CHD9: variants seen among roughly 807,000 people sequenced by gnomAD.
The protein encoded by CHD9 is ATP-dependent chromatin remodeler CHD9.
A neutral mutation model predicts 316.1 loss-of-function variants in CHD9; 77 were observed. The ratio of observed to expected loss-of-function variants is 0.24; its 90% CI spans 0.20 to 0.29. CHD9 has a LOEUF of 0.29. Ranked by LOEUF, CHD9 falls within the 10% of genes least tolerant of loss-of-function variation. The probability of loss-of-function intolerance (pLI) is 1.00; values close to 1 mark genes in which losing one functional copy is unlikely to be tolerated. For synonymous variants in CHD9, 1,129 were observed against 1,158.3 expected (o/e 0.97, Z 0.51); for missense variants, 2,763 against 3,438.1 (o/e 0.80, Z 4.91).
intron 1 of CHD9, among the ~76,000 whole-genome samples, chr16:53,137,246 A>G (rs2039789221): frequency 1.3e-5 from 2 of 152,204 alleles, no homozygotes; most frequent in South Asian, 4.1e-4. Flanking sequence ...TGTTGGGATT[A>G]CAGGTGTGAG....
chr16:53,096,055 G>T (rs113819381), intron 1 of CHD9, among the ~76,000 whole-genome samples: 2,025 of 149,152 alleles, frequency 0.014, 47 homozygotes, highest in African/African-American at 0.047. Flanking sequence ...GGACTGTGAA[G>T]ATTTTTTTTT....
Position 53,308,038 on chromosome 16 carries a change from TCTTC to T in CHD9, c.7053+94_7053+97del, listed in dbSNP as rs151271511. ...CCTGCAAATGGCTGCCTGCTCTTAC[TCTTC>T]CTTCCTTCACATACCTGTTTCTTGG... On this transcript the variant is annotated intron_variant, in intron 33 of 38. Coordinates refer to ENST00000447540, the MANE Select transcript of CHD9 (RefSeq NM_001308319.2). The T allele has an allele frequency of 3.7e-4, 442 of 1,187,374 alleles. 2 individuals are homozygous for T. In the African/African-American group the frequency reaches 6.3e-3, roughly 17 times the overall value. 73.6% of individuals were successfully genotyped at this position (1,187,374 alleles called of 1,614,324 possible). A position where few individuals can be genotyped will look rare whatever the true frequency, so the allele number is the denominator to read the frequency against.
chr16:53,248,720 C>T (rs1241118550), intron 16 of CHD9, among the ~76,000 whole-genome samples: 2 of 151,720 alleles, frequency 1.3e-5, no homozygotes, highest in African/African-American at 4.8e-5. Context: ...CAGGGTCTCA[C>T]TGTGTTGCCC....
chr16:53,116,377 T>C (rs1389822975), intron 1 of CHD9, among the ~76,000 whole-genome samples: 2 of 152,202 alleles, frequency 1.3e-5, no homozygotes, highest in South Asian at 2.1e-4. Context: ...TCTTATAGTT[T>C]GTACAAATCA....
At chr16:53,117,636 G>A (rs2038418236) in intron 1 of CHD9, among the ~76,000 whole-genome samples, 1 of 151,616 alleles carries the variant, frequency 6.6e-6, no homozygotes, top group Admixed American at 6.6e-5. Context: ...GGCTGGTCTC[G>A]AACTCCCGAC....
chr16:53,253,064 A>G (rs1597656975), intron 17 of CHD9, among the ~76,000 whole-genome samples: 1 of 152,176 alleles, frequency 6.6e-6, no homozygotes, highest in Non-Finnish European at 1.5e-5. Flanking sequence ...ACTAAAAGGA[A>G]AATAAGTCAT....
chr16:53,144,543 T>C, intron 1 of CHD9, among the ~76,000 whole-genome samples: 1 of 151,852 alleles, frequency 6.6e-6, no homozygotes. Flanking sequence ...TTTTTTTTTT[T>C]TTTGAGATGG....
intron 2 of CHD9, among the ~76,000 whole-genome samples, chr16:53,167,160 G>A (rs1036965519): frequency 3.9e-5 from 6 of 152,110 alleles, no homozygotes; most frequent in South Asian, 2.1e-4. Flanking sequence ...TGATTATTGA[G>A]AAATACTTTT....
chr16:53,115,123 T>G (rs2038191919), intron 1 of CHD9, among the ~76,000 whole-genome samples: 1 of 152,226 alleles, frequency 6.6e-6, no homozygotes, highest in South Asian at 2.1e-4. Context: ...AGGTTGATTT[T>G]TCATCTGGTT....
At chr16:53,243,595 G>A (rs1237515326) in intron 13 of CHD9, among the ~76,000 whole-genome samples, 3 of 152,210 alleles carry the variant, frequency 2.0e-5, no homozygotes, top group Admixed American at 6.5e-5. Context: ...TTACAGGCGT[G>A]AGCCTGTAAT....
At chr16:53,104,674 T>C (rs1239588724) in intron 1 of CHD9, among the ~76,000 whole-genome samples, 2 of 151,870 alleles carry the variant, frequency 1.3e-5, no homozygotes, top group African/African-American at 4.8e-5. Flanking sequence ...TAGCTGGGCA[T>C]GGTGGCAGGT....
intron 3 of CHD9, among the ~76,000 whole-genome samples, chr16:53,216,015 G>T (rs2046733656): frequency 6.6e-6 from 1 of 151,956 alleles, no homozygotes; most frequent in Admixed American, 6.6e-5. Context: ...GCTACATTTT[G>T]CTAACATTGA....
At chr16:53,265,372 C>T (rs888248394) in intron 20 of CHD9, among the ~76,000 whole-genome samples, 2 of 151,990 alleles carry the variant, frequency 1.3e-5, no homozygotes, top group Non-Finnish European at 2.9e-5. Flanking sequence ...CATTGCACTC[C>T]AGCCTGAGTG....
intron 1 of CHD9, among the ~76,000 whole-genome samples, chr16:53,123,314 C>T (rs1364095019): frequency 1.3e-5 from 2 of 151,654 alleles, no homozygotes. Context: ...CCAGAAGAAA[C>T]CCTGTACATA....
intron 11 of CHD9, among the ~76,000 whole-genome samples, chr16:53,236,619 C>CCCCA (rs952919720): frequency 2.0e-5 from 3 of 150,618 alleles, no homozygotes; most frequent in Admixed American, 6.6e-5. Flanking sequence ...CCCATTCCCC[C>CCCCA]CCACCACCAC....
intron 1 of CHD9, among the ~76,000 whole-genome samples, chr16:53,133,267 C>T (rs1016447202): frequency 6.6e-6 from 1 of 152,026 alleles, no homozygotes; most frequent in Non-Finnish European, 1.5e-5. Context: ...CCTAAAGGCA[C>T]AGGAAATAAC....
At chr16:53,074,345 A>G (rs1389902893) in intron 1 of CHD9, among the ~76,000 whole-genome samples, 1 of 152,248 alleles carries the variant, frequency 6.6e-6, no homozygotes, top group East Asian at 1.9e-4. Context: ...CAGCCTGACA[A>G]TGCAATAGAA....
intron 2 of CHD9, among the ~76,000 whole-genome samples, chr16:53,179,427 A>T (rs2043323732): frequency 6.6e-6 from 1 of 151,886 alleles, no homozygotes; most frequent in Non-Finnish European, 1.5e-5. Context: ...AGCCATGTTT[A>T]TTAATTGTTA....
At chr16:53,241,003 A>G (rs1352792940) in intron 12 of CHD9, among the ~76,000 whole-genome samples, 3 of 152,186 alleles carry the variant, frequency 2.0e-5, no homozygotes, top group African/African-American at 7.2e-5. Flanking sequence ...TGAATATATT[A>G]TATCCCAGGT....
Sources: gnomAD v4.1 joint callset for allele counts (sites outside exome capture counted in the v4.1 genomes callset) on GRCh38, gnomAD v4.1.1 for gene constraint, MANE v1.5 for transcripts, NCBI Gene and HGNC (gene_info 2026-07-23, HGNC 2026-07-21) for gene names.